Variants in ADH1C observed in about 807,000 individuals in gnomAD.
The protein encoded by ADH1C is alcohol dehydrogenase 1C.
In ADH1C, 26 loss-of-function variants were observed where a neutral mutation model predicts 35.0. That is an observed-to-expected ratio of 0.74 (90% CI 0.54 to 1.03). The LOEUF is 1.03. Among genes scored for constraint, ADH1C ranks in the 50% least tolerant of loss-of-function variants. ADH1C has a pLI of 0.00. For missense variants in ADH1C, 413 were observed against 465.4 expected, an observed-to-expected ratio of 0.89 and a Z score of 1.04; for synonymous variants, 170 against 169.3, an observed-to-expected ratio of 1.00 and a Z score of -0.03.
In ADH1C at chr4:99,342,408, A is replaced by T. The variant is rs1734436879; in HGVS notation, c.828+387T>A. 2.0e-5 allele frequency among the ~76,000 whole-genome samples: 3 copies of T among 152,358 alleles called. No homozygotes were observed. In the South Asian group the frequency reaches 6.2e-4, roughly 32 times the overall value. On this transcript the variant is annotated intron_variant, in intron 6 of 8. Transcript: ENST00000515683. ...AAAAAGTTTGGAATTCGTTAAGAGC[A>T]TACATAAAATTGTTAAAATATTTTT...
rs866370741 is a variant in ADH1C at position 99,339,708 on chromosome 4, C to T, written c.972G>A (p.Lys324=). The T allele has an allele frequency of 6.2e-7, 1 of 1,606,534 alleles. No individual in the cohort carries two copies. The highest frequency in any genetic ancestry group is 8.5e-7 in the Non-Finnish European group (1 of 1,178,068). ...TWKGAIFGGF[K]SKESVPKLVA... is the part of the protein sequence containing the mutation. ...CAAGTTTGGGGACAGATTCTTTACTCTTAAAGCCTGAAAAGAAGAAAATAT... is the reference window on the plus strand; with the variant it reads ...CAAGTTTGGGGACAGATTCTTTACTTTTAAAGCCTGAAAAGAAGAAAATAT... The change falls in exon 8 of 9, where the codon AAG becomes AAA. Residue 324 remains lysine (K), a synonymous_variant. Coordinates refer to ENST00000515683, the MANE Select transcript of ADH1C (RefSeq NM_000669.5).
chr4:99,337,059 C>T (rs1734295107), intron 8 of ADH1C, among the ~76,000 whole-genome samples: 1 of 152,154 alleles, frequency 6.6e-6, no homozygotes, highest in Non-Finnish European at 1.5e-5. Flanking sequence ...ATCATTTTGG[C>T]GTGCCCAAGT....
intron 6 of ADH1C, among the ~76,000 whole-genome samples, chr4:99,341,643 C>T (rs1734417799): frequency 6.6e-6 from 1 of 152,220 alleles, no homozygotes; most frequent in South Asian, 2.1e-4. Context: ...GTTACCCACA[C>T]TGCTGGACCT....
chr4:99,343,161 C>T (rs1734456602), intron 5 of ADH1C, 106 bp from the exon 6 acceptor site: 1 of 1,459,142 alleles, frequency 6.9e-7, no homozygotes, highest in African/African-American at 1.4e-5. Flanking sequence ...TACTCAGACT[C>T]TTCTGTCCAA....
intron 5 of ADH1C, among the ~76,000 whole-genome samples, 164 bp from the exon 6 acceptor site, chr4:99,343,219 C>T (rs965817835): frequency 6.6e-6 from 1 of 152,182 alleles, no homozygotes; most frequent in African/African-American, 2.4e-5. Context: ...TGTTTAAATT[C>T]AAGGGGTTGA....
chr4:99,336,679 C>T lies in ADH1C; in HGVS notation c.*73G>A. 6.5e-7 allele frequency: 1 copy of T among 1,540,724 alleles called. No individual in the cohort carries two copies. Among genetic ancestry groups the T allele is most frequent in the Non-Finnish European group, 9.0e-7 (1 of 1,114,098 alleles). ...CTGAAGAGCAGAATTAATGATATTT[C>T]CTAGCTGTTGCTCCAGATCATGTAG... is the stretch of plus-strand genomic sequence containing the variant. On this transcript the variant is annotated 3_prime_UTR_variant, in exon 9 of 9. Coordinates refer to ENST00000515683, the MANE Select transcript of ADH1C (RefSeq NM_000669.5).
In ADH1C at chr4:99,336,761, C is replaced by A. The variant is rs761235124; in HGVS notation, c.1119G>T (p.Leu373=). The A allele has an allele frequency of 1.2e-6, 2 of 1,613,670 alleles. No homozygotes were observed. Among genetic ancestry groups the A allele is most frequent in the Non-Finnish European group, 1.7e-6 (2 of 1,179,728 alleles). The change falls in exon 9 of 9, where the codon CTG becomes CTT. Residue 373 remains leucine (L), a synonymous_variant. Transcript: ENST00000515683. Reference sequence around the variant, plus strand: ...AGGCATCTGTATTGTTTCAAAACGTCAGGACGGTACGGATACTGCAATAGG... The same window carrying A: ...AGGCATCTGTATTGTTTCAAAACGTAAGGACGGTACGGATACTGCAATAGG... ...LRSGKSIRTV[L]TF
intron 6 of ADH1C, among the ~76,000 whole-genome samples, chr4:99,340,997 G>T (rs1734402892): frequency 6.6e-6 from 1 of 152,184 alleles, no homozygotes; most frequent in Non-Finnish European, 1.5e-5. Context: ...CATATATAAA[G>T]TCCTGTTCCT....
At chr4:99,337,171 A>G (rs916652120) in intron 8 of ADH1C, among the ~76,000 whole-genome samples, 1 of 152,092 alleles carries the variant, frequency 6.6e-6, no homozygotes, top group African/African-American at 2.4e-5. Flanking sequence ...TTAAATCTCA[A>G]CCTAAACAAT....
rs759765540 is a variant in ADH1C, at chr4:99,352,717, C to T, written c.-42G>A. 12 of 1,610,074 alleles carry T rather than the reference C, an allele frequency of 7.5e-6. No individual in the cohort carries two copies. In the East Asian group the frequency reaches 2.2e-4, roughly 30 times the overall value. ...CTGCAGACCAGGAGGCTGGTGAGTACTTGTGGATTTCTTCTCTGCTTGAGT... is the reference window on the plus strand; with the variant it reads ...CTGCAGACCAGGAGGCTGGTGAGTATTTGTGGATTTCTTCTCTGCTTGAGT... On this transcript the variant is annotated 5_prime_UTR_variant, in exon 1 of 9. Transcript: ENST00000515683.
chr4:99,351,814 T>A (rs906795943), intron 1 of ADH1C, among the ~76,000 whole-genome samples: 2 of 152,236 alleles, frequency 1.3e-5, no homozygotes, highest in South Asian at 2.1e-4. Context: ...CAGATTTTTT[T>A]AAATTAGGCA....
At chr4:99,345,790 T>C (rs989688153) in intron 3 of ADH1C, among the ~76,000 whole-genome samples, 15 of 152,284 alleles carry the variant, frequency 9.9e-5, no homozygotes. Context: ...AAAATGAATG[T>C]TTTCAAAAAG....
intron 1 of ADH1C, among the ~76,000 whole-genome samples, chr4:99,349,821 G>T (rs545834768): frequency 2.0e-5 from 3 of 151,408 alleles, no homozygotes; most frequent in Admixed American, 6.6e-5. Flanking sequence ...GTGTGTGTGT[G>T]TGTGTGCATT....
rs770875819 is a variant in ADH1C at position 99,347,750 on chromosome 4, T to C, written c.115A>G (p.Ile39Val). ...VAPPKAHEVR[I>V]KMVAAGICRS... Reference sequence around the variant, plus strand: ...AAATGGAAAAAGTATTTCACCTTAATGCGAACTTCATGAGCCTTAGGAGGT... The same window carrying C: ...AAATGGAAAAAGTATTTCACCTTAACGCGAACTTCATGAGCCTTAGGAGGT... Residue 39 changes from isoleucine to valine, a missense_variant, in exon 2 of 9, where the codon ATT (isoleucine) becomes GTT (valine). Ile to Val is a conservative substitution (Grantham distance 29). Transcript: ENST00000515683. 1 of 1,607,538 alleles carries C rather than the reference T, an allele frequency of 6.2e-7. No individual in the cohort carries two copies. Among genetic ancestry groups the C allele is most frequent in the Non-Finnish European group, 8.5e-7 (1 of 1,176,484 alleles).
intron 1 of ADH1C, among the ~76,000 whole-genome samples, chr4:99,351,482 G>T (rs1470680725): frequency 3.3e-5 from 5 of 152,176 alleles, no homozygotes; most frequent in Admixed American, 3.3e-4. Context: ...TTAATGATTG[G>T]TTTATACTTT....
chr4:99,344,465 A>G (rs1662056), intron 5 of ADH1C, among the ~76,000 whole-genome samples: 2 of 151,938 alleles, frequency 1.3e-5, no homozygotes, highest in African/African-American at 4.8e-5. Flanking sequence ...CACAGACTAG[A>G]TGGTCCTCAA....
chr4:99,352,185 A>C (rs184595501), intron 1 of ADH1C, among the ~76,000 whole-genome samples: 2 of 150,306 alleles, frequency 1.3e-5, no homozygotes, highest in East Asian at 3.9e-4. Context: ...AAATCTTCTC[A>C]AATCCCTCTC....
At chr4:99,338,444 TAC>T (rs1553913927) in intron 8 of ADH1C, among the ~76,000 whole-genome samples, 1,705 of 60,186 alleles carry the variant, frequency 0.028, 380 homozygotes, top group African/African-American at 0.038. Flanking sequence ...TATATATATA[TAC>T]ACACTCTTGA....
chr4:99,343,126 C>T (rs1247586938), intron 5 of ADH1C, 71 bp from the exon 6 acceptor site: 2 of 1,564,762 alleles, frequency 1.3e-6, no homozygotes, highest in Admixed American at 1.8e-5. Flanking sequence ...TTATAAAGTG[C>T]CATGTCTTGT....
Sources: allele counts gnomAD v4.1 joint callset (sites outside exome capture counted in the v4.1 genomes callset), GRCh38; gene constraint gnomAD v4.1.1; transcripts MANE v1.5; gene names NCBI Gene and HGNC (gene_info 2026-07-23, HGNC 2026-07-21).